The following RELN variants were observed in gnomAD, a reference collection of about 807,000 sequenced individuals.
The protein encoded by RELN is reelin.
In RELN, 108 loss-of-function variants were observed where a neutral mutation model predicts 427.6. The observed-to-expected ratio is 0.25, with a 90% confidence interval of 0.22 to 0.30. The LOEUF (loss-of-function observed/expected upper bound fraction) is 0.30. Ranked by LOEUF, RELN falls within the 10% of genes least tolerant of loss-of-function variation. RELN has a pLI of 1.00. For synonymous variants in RELN, 1,524 were observed against 1,513.4 expected (o/e 1.01, Z -0.16); for missense variants, 3,715 against 4,302.8 (o/e 0.86, Z 3.82).
chr7:103,582,586 A>G (rs1376274292), intron 28 of RELN, among the ~76,000 whole-genome samples: 1 of 152,206 alleles, frequency 6.6e-6, no homozygotes, highest in Non-Finnish European at 1.5e-5. Flanking sequence ...CCTTAACCAA[A>G]GAAATTCCTT....
chr7:103,875,501 G>T (rs1190613049), intron 2 of RELN, among the ~76,000 whole-genome samples: 4 of 152,002 alleles, frequency 2.6e-5, no homozygotes, highest in Non-Finnish European at 5.9e-5. Flanking sequence ...CTACATTTTT[G>T]AAATACTGGT....
intron 25 of RELN, among the ~76,000 whole-genome samples, chr7:103,595,273 T>A (rs1395044243): frequency 6.6e-6 from 1 of 152,190 alleles, no homozygotes; most frequent in Non-Finnish European, 1.5e-5. Context: ...TTAAGCCAGT[T>A]TGGCACCATT....
chr7:103,724,162 ACTTTTGCTG>A (rs1247099619), intron 7 of RELN, among the ~76,000 whole-genome samples: 1 of 147,168 alleles, frequency 6.8e-6, no homozygotes, highest in African/African-American at 2.5e-5. Flanking sequence ...AGGTTGTCTT[ACTTTTGCTG>A]CTTTTTTTTT....
At position 103,640,747 on chromosome 7, in the gene RELN, T is replaced by C. The variant is rs145042133; in HGVS notation, c.2003-138A>G. On this transcript the variant is annotated intron_variant, in intron 16 of 64. Transcript: ENST00000428762. This position sits in a 1 kb window ranked among gnomAD's most constrained non-coding sequence, Gnocchi z 4.1. ...ACCCAGGGTGACATATGGAATGCTG[T>C]GTAATAAGGTAAGTGCTTAGTTACA... 3.4e-4 allele frequency: 277 copies of C among 803,180 alleles called. 3 individuals carry two copies. In the African/African-American group the frequency reaches 3.7e-3, roughly 11 times the overall value. The allele number at this position is 803,180 out of a possible 1,614,324, so 49.8% of individuals were successfully genotyped here.
At chr7:103,504,410 A>T (rs978507051) in intron 51 of RELN, 3 of 152,158 alleles carry the variant, frequency 2.0e-5, no homozygotes, top group African/African-American at 7.2e-5. Flanking sequence ...TCAGTATTTC[A>T]TCCTGAGCAG....
At chr7:103,944,671 C>T (rs1341514715) in intron 1 of RELN, among the ~76,000 whole-genome samples, 1 of 152,096 alleles carries the variant, frequency 6.6e-6, no homozygotes, top group Admixed American at 6.6e-5. Context: ...AAAATTCTAG[C>T]AGGTGCAGAG....
chr7:103,617,481 T>C (rs948377925), intron 20 of RELN, among the ~76,000 whole-genome samples: 19 of 152,162 alleles, frequency 1.2e-4, no homozygotes, highest in Non-Finnish European at 1.6e-4. Flanking sequence ...TAAATGTCTA[T>C]TGGACATCTG....
rs750003552 is a variant in RELN, at chr7:103,515,459, G to A, written c.7863-18C>T. On this transcript the variant is annotated intron_variant, in intron 49 of 64. Transcript: ENST00000428762. ...TCACAAATCTATAGGAAAATGATGG[G>A]GAAGGGTGTGGGGAAGAACCCTTGT... is the stretch of plus-strand genomic sequence containing the variant. The A allele has an allele frequency of 1.2e-6, 2 of 1,613,068 alleles. No individual in the cohort carries two copies. The highest frequency in any genetic ancestry group is 1.7e-6 in the Non-Finnish European group (2 of 1,179,932).
chr7:103,637,976 T>C (rs1375334015), intron 17 of RELN, among the ~76,000 whole-genome samples: 1 of 152,216 alleles, frequency 6.6e-6, no homozygotes, highest in African/African-American at 2.4e-5. Context: ...TTGGAGTCAC[T>C]TTCCATTTAG....
chr7:103,755,815 G>GAGAAA (rs1554412930), intron 4 of RELN, among the ~76,000 whole-genome samples: 1 of 103,626 alleles, frequency 9.7e-6, no homozygotes, highest in African/African-American at 3.7e-5. Context: ...TCCACCTCAA[G>GAGAAA]AAAAAAAAAA....
intron 46 of RELN, among the ~76,000 whole-genome samples, chr7:103,528,239 C>T (rs894154436): frequency 1.3e-5 from 2 of 152,206 alleles, no homozygotes; most frequent in East Asian, 1.9e-4. Context: ...GGAGCTGATA[C>T]ATTCCACAAT....
chr7:103,492,274 T>A (rs1244929953), intron 57 of RELN, among the ~76,000 whole-genome samples: 1 of 152,126 alleles, frequency 6.6e-6, no homozygotes, highest in Non-Finnish European at 1.5e-5. Flanking sequence ...TAATAAAAAA[T>A]TAATCACAAA....
intron 3 of RELN, among the ~76,000 whole-genome samples, chr7:103,801,768 TA>T (rs1792474539): frequency 4.0e-5 from 6 of 151,510 alleles, no homozygotes; most frequent in Non-Finnish European, 7.4e-5. Flanking sequence ...CCACTAATGA[TA>T]GTACCCACCT....
intron 3 of RELN, among the ~76,000 whole-genome samples, chr7:103,806,614 C>T (rs1246350816): frequency 6.6e-6 from 1 of 152,120 alleles, no homozygotes; most frequent in Non-Finnish European, 1.5e-5. Flanking sequence ...TGTGAGCCAC[C>T]ATGCCCGGCC....
rs776658515 is a variant in RELN, at chr7:103,545,216, T to C, written c.6431A>G (p.Asn2144Ser). Residue 2144 changes from asparagine (N) to serine (S), a missense_variant, in exon 42 of 65, where the codon AAT becomes AGT. This residue lies in a region of RELN where 1,310 missense variants were observed against 1,643.0 expected (regional missense o/e 0.80). Transcript: ENST00000428762. ...AGGGTCACATATACATTTGGTTCCATTGATACAGCTCCCCTGTCCATTACA... is the reference window on the plus strand; with the variant it reads ...AGGGTCACATATACATTTGGTTCCACTGATACAGCTCCCCTGTCCATTACA... Reference protein sequence around the residue: ...EMCNGQGSCINGTKCICDPGY... With the variant: ...EMCNGQGSCISGTKCICDPGY... The C allele has an allele frequency of 6.2e-6, 10 of 1,614,056 alleles. No individual in the cohort carries two copies. The highest frequency in any genetic ancestry group is 2.2e-5 in the East Asian group (1 of 44,894).
At chr7:103,699,833 A>G (rs1345807738) in intron 9 of RELN, among the ~76,000 whole-genome samples, 1 of 152,152 alleles carries the variant, frequency 6.6e-6, no homozygotes, top group South Asian at 2.1e-4. Flanking sequence ...TCAGATGCCT[A>G]TACATTACAT....
At chr7:103,863,596 A>G (rs13239553) in intron 2 of RELN, among the ~76,000 whole-genome samples, 21,835 of 152,070 alleles carry the variant, frequency 0.14, 1,849 homozygotes, top group East Asian at 0.34. Context: ...ACTAACCCTT[A>G]GAGCTTTGAG....
In RELN at chr7:103,495,897, T is replaced by A. The variant is rs1170013342; in HGVS notation, c.9195A>T (p.Glu3065Asp). Residue 3065 changes from glutamate to aspartate, a missense_variant and splice_region_variant, in exon 57 of 65, where the codon GAA becomes GAT. This residue lies in a region of RELN where 1,310 missense variants were observed against 1,643.0 expected (regional missense o/e 0.80). Transcript: ENST00000428762. ...PSQLVDTFDD[E>D]GTSHEENWSF... Reference sequence around the variant, plus strand: ...TCCAGTTTTCTTCATGGGAAGTGCCTTCTGTTAAGGAAAATTGGAAGCAAT... The same window carrying A: ...TCCAGTTTTCTTCATGGGAAGTGCCATCTGTTAAGGAAAATTGGAAGCAAT... 6.2e-7 allele frequency: 1 copy of A among 1,614,022 alleles called. No homozygotes were observed. The highest frequency in any genetic ancestry group is 8.5e-7 in the Non-Finnish European group (1 of 1,179,942).
At chr7:103,670,044 G>A (rs1833356203) in intron 11 of RELN, among the ~76,000 whole-genome samples, 1 of 152,022 alleles carries the variant, frequency 6.6e-6, no homozygotes, top group Non-Finnish European at 1.5e-5. Flanking sequence ...AAGGTTTTCT[G>A]TTTTTTCTGC....
Sources: gnomAD v4.1 joint callset for allele counts (sites outside exome capture counted in the v4.1 genomes callset) on GRCh38, gnomAD v4.1.1 for gene constraint, gnomAD v4.1.1 regional missense constraint, Gnocchi (gnomAD v3.1) non-coding constraint, MANE v1.5 for transcripts, NCBI Gene and HGNC (gene_info 2026-07-23, HGNC 2026-07-21) for gene names.